Variants in RPS6KB1 observed in about 807,000 individuals in gnomAD.
The protein encoded by RPS6KB1 is ribosomal protein S6 kinase B1.
In RPS6KB1, 12 loss-of-function variants were observed where a neutral mutation model predicts 70.2. That is an observed-to-expected ratio of 0.17 (90% confidence interval 0.11 to 0.28). The LOEUF (loss-of-function observed/expected upper bound fraction) is 0.28, where lower values mean the gene tolerates loss of function less well. Ranked by LOEUF, RPS6KB1 falls within the 10% of genes least tolerant of loss-of-function variation. The pLI is 1.00. For missense variants in RPS6KB1, 270 were observed against 646.6 expected, an observed-to-expected ratio of 0.42 and a Z score of 6.32; for synonymous variants, 175 against 211.2, an observed-to-expected ratio of 0.83 and a Z score of 1.49.
At chr17:59,924,467 A>G (rs1394018628) in intron 4 of RPS6KB1, among the ~76,000 whole-genome samples, 1 of 151,794 alleles carries the variant, frequency 6.6e-6, no homozygotes, top group African/African-American at 2.4e-5. Flanking sequence ...TGTTGATTTT[A>G]TTTTATTTTT....
At chr17:59,921,924 CTTTAGTTAATAAAT>C (rs1340260006) in intron 4 of RPS6KB1, among the ~76,000 whole-genome samples, 1 of 152,088 alleles carries the variant, frequency 6.6e-6, no homozygotes, top group African/African-American at 2.4e-5. Flanking sequence ...GCCCTAAGCC[CTTTAGTTAATAAAT>C]TTTAGTTAAT....
intron 4 of RPS6KB1, among the ~76,000 whole-genome samples, chr17:59,918,617 A>T (rs1345723705): frequency 2.0e-5 from 3 of 150,960 alleles, no homozygotes; most frequent in Non-Finnish European, 4.4e-5. Context: ...CAAAACGTCC[A>T]CCTCGGCATC....
intron 4 of RPS6KB1, among the ~76,000 whole-genome samples, chr17:59,916,270 T>G (rs2042958076): frequency 6.6e-6 from 1 of 152,068 alleles, no homozygotes; most frequent in Non-Finnish European, 1.5e-5. Flanking sequence ...CCGGCTAATT[T>G]TTGTATTTTT....
At chr17:59,895,062 C>T (rs2041452121) in intron 1 of RPS6KB1, among the ~76,000 whole-genome samples, 2 of 151,676 alleles carry the variant, frequency 1.3e-5, no homozygotes, top group Admixed American at 1.3e-4. Flanking sequence ...GCTCTGTCAC[C>T]CAGGCTGGAA....
intron 6 of RPS6KB1, 63 bp from the exon 7 acceptor site, chr17:59,931,559 T>C: frequency 3.8e-6 from 5 of 1,317,074 alleles, no homozygotes; most frequent in Non-Finnish European, 5.5e-6. Context: ...TTTTGCTCCA[T>C]ACGTAAACTG....
intron 1 of RPS6KB1, among the ~76,000 whole-genome samples, chr17:59,899,335 C>G (rs1466199178): frequency 6.6e-6 from 1 of 152,036 alleles, no homozygotes; most frequent in Non-Finnish European, 1.5e-5. Flanking sequence ...AGATTTGTGC[C>G]TCAAATGCTT....
At chr17:59,903,580 C>T (rs1217235588) in intron 1 of RPS6KB1, among the ~76,000 whole-genome samples, 2 of 152,234 alleles carry the variant, frequency 1.3e-5, no homozygotes, top group East Asian at 3.9e-4. Flanking sequence ...AGTAGATTTG[C>T]TGGGTCATGC....
chr17:59,920,417 C>CT (rs1159221237), intron 4 of RPS6KB1, among the ~76,000 whole-genome samples: 1 of 152,148 alleles, frequency 6.6e-6, no homozygotes, highest in Non-Finnish European at 1.5e-5. Flanking sequence ...TTTGGTCCTT[C>CT]TTGCTGATTT....
chr17:59,915,137 T>C (rs373332267), intron 4 of RPS6KB1, among the ~76,000 whole-genome samples: 9 of 151,910 alleles, frequency 5.9e-5, no homozygotes, highest in African/African-American at 2.2e-4. Context: ...TACAGGTGCA[T>C]GCTGCCACGC....
rs1398867393 is a variant in RPS6KB1, at chr17:59,908,909, C to A, written c.142-1653C>A. Among the ~76,000 whole-genome samples, 34 of 139,996 alleles carry A rather than the reference C, an allele frequency of 2.4e-4. 1 individual carries two copies. Among genetic ancestry groups the A allele is most frequent in the Non-Finnish European group, 3.0e-5 (2 of 65,826 alleles). The allele number at this position is 139,996 out of a possible 152,430, so 91.8% of individuals were successfully genotyped here. On this transcript the variant is annotated intron_variant, in intron 1 of 14. Coordinates refer to ENST00000225577, the MANE Select transcript of RPS6KB1 (RefSeq NM_003161.4). ...CTGGGATTACAAGCGTGAGCCACCGCGCCCGGCCAAATTTTTTTTTTTTTT... is the reference window on the plus strand; with the variant it reads ...CTGGGATTACAAGCGTGAGCCACCGAGCCCGGCCAAATTTTTTTTTTTTTT...
intron 12 of RPS6KB1, among the ~76,000 whole-genome samples, chr17:59,940,275 CTTTTTTT>C (rs559026454): frequency 1.3e-4 from 11 of 81,490 alleles, no homozygotes; most frequent in East Asian, 3.8e-4. Flanking sequence ...GATATATTCA[CTTTTTTT>C]TTTTTTTTTT....
rs765614569 is a variant in RPS6KB1 at position 59,936,283 on chromosome 17, G to A, written c.1041+6G>A. 1 of 1,593,080 alleles carries A rather than the reference G, an allele frequency of 6.3e-7. No homozygotes were observed. The highest frequency in any genetic ancestry group is 8.5e-7 in the Non-Finnish European group (1 of 1,174,330). ...GGGACGCTGGAGAAGTTCAAGTAGG[G>A]ATTGGCATCTTTGGTGTTTTGTGGG... On this transcript the variant is annotated splice_donor_region_variant and intron_variant, in intron 11 of 14. Coordinates refer to ENST00000225577, the MANE Select transcript of RPS6KB1 (RefSeq NM_003161.4).
At chr17:59,916,666 A>G (rs2042980432) in intron 4 of RPS6KB1, among the ~76,000 whole-genome samples, 1 of 152,072 alleles carries the variant, frequency 6.6e-6, no homozygotes, top group African/African-American at 2.4e-5. Context: ...TTTAGTCACA[A>G]CTGTTATGAC....
At chr17:59,933,180 C>T (rs2044039053) in intron 7 of RPS6KB1, among the ~76,000 whole-genome samples, 1 of 151,358 alleles carries the variant, frequency 6.6e-6, no homozygotes. Context: ...ATAAACATTC[C>T]AGATTATACT....
chr17:59,947,824 A>G lies in RPS6KB1; in HGVS notation c.*1036A>G, dbSNP rs560659468. The G allele has an allele frequency of 4.3e-4, 203 of 467,974 alleles. No homozygotes were observed. The highest frequency in any genetic ancestry group is 1.1e-3 in the South Asian group (22 of 20,470). 29.0% of individuals were successfully genotyped at this position (467,974 alleles called of 1,614,324 possible). ...CAAGGTGAGGGAGATAGGGATATCC[A>G]GGGGAAGAGGGTGTTGCTGTGGCCC... is the stretch of plus-strand genomic sequence containing the variant. On this transcript the variant is annotated 3_prime_UTR_variant, in exon 15 of 15. Transcript: ENST00000225577.
intron 4 of RPS6KB1, among the ~76,000 whole-genome samples, chr17:59,922,388 G>A (rs568426906): frequency 1.3e-5 from 2 of 151,860 alleles, no homozygotes; most frequent in South Asian, 2.1e-4. Context: ...TGATAGAAAC[G>A]GTGTGAATAT....
intron 13 of RPS6KB1, among the ~76,000 whole-genome samples, chr17:59,944,688 G>A (rs1397219624): frequency 6.6e-6 from 1 of 152,022 alleles, no homozygotes; most frequent in African/African-American, 2.4e-5. Flanking sequence ...TTTTACTTTG[G>A]TCTGATTATA....
chr17:59,897,655 G>GCCA (rs1449140829), intron 1 of RPS6KB1, among the ~76,000 whole-genome samples: 4 of 152,066 alleles, frequency 2.6e-5, no homozygotes, highest in Non-Finnish European at 4.4e-5. Context: ...TTGAATATCT[G>GCCA]CCACCTAACT....
intron 5 of RPS6KB1, among the ~76,000 whole-genome samples, chr17:59,928,351 C>T (rs535389581): frequency 5.9e-5 from 9 of 151,534 alleles, no homozygotes; most frequent in African/African-American, 1.9e-4. Context: ...TCCCTTTACC[C>T]CTAAAATTTC....
Sources: allele counts gnomAD v4.1 joint callset (sites outside exome capture counted in the v4.1 genomes callset), GRCh38; gene constraint gnomAD v4.1.1; transcripts MANE v1.5; gene names NCBI Gene and HGNC (gene_info 2026-07-23, HGNC 2026-07-21).